NEK10: variants seen among roughly 807,000 people sequenced by gnomAD.
NEK10 encodes the protein serine/threonine-protein kinase Nek10.
NEK10 carries 122 observed loss-of-function variants against 159.8 expected under a neutral mutation model. The ratio of observed to expected loss-of-function variants is 0.76; its 90% CI spans 0.66 to 0.89. The LOEUF is 0.89. Ranked by LOEUF, NEK10 falls within the 40% of genes least tolerant of loss-of-function variation. The pLI is 0.00. For synonymous variants in NEK10, 466 were observed against 457.1 expected, an observed-to-expected ratio of 1.02 and a Z score of -0.25; for missense variants, 1,342 against 1,323.1, an observed-to-expected ratio of 1.01 and a Z score of -0.22.
At chr3:27,242,766 C>T (rs958302608) in intron 23 of NEK10, among the ~76,000 whole-genome samples, 9 of 152,152 alleles carry the variant, frequency 5.9e-5, no homozygotes, top group African/African-American at 2.2e-4. Flanking sequence ...GACTGAGAGG[C>T]AAATGCTTTA....
intron 22 of NEK10, among the ~76,000 whole-genome samples, chr3:27,271,417 C>G (rs899554906): frequency 7.9e-5 from 12 of 151,884 alleles, no homozygotes; most frequent in Non-Finnish European, 1.3e-4. Flanking sequence ...TTTTAGGGAG[C>G]CCACTATAAT....
chr3:27,308,320 T>G (rs1383415766), intron 10 of NEK10, among the ~76,000 whole-genome samples: 12 of 152,146 alleles, frequency 7.9e-5, no homozygotes, highest in Admixed American at 7.9e-4. Flanking sequence ...GAGGGAATTA[T>G]GGGGATTACA....
chr3:27,244,735 G>A (rs1378931335), intron 23 of NEK10, among the ~76,000 whole-genome samples: 2 of 152,232 alleles, frequency 1.3e-5, no homozygotes, highest in East Asian at 3.9e-4. Context: ...TGCTTGTGCA[G>A]TTCCTGGACT....
At chr3:27,193,466 T>G (rs1353828391) in intron 25 of NEK10, among the ~76,000 whole-genome samples, 1 of 151,984 alleles carries the variant, frequency 6.6e-6, no homozygotes, top group African/African-American at 2.4e-5. Flanking sequence ...AGGTCTCTCT[T>G]GAACTGGCCC....
chr3:27,234,392 A>C (rs114043698), intron 23 of NEK10, among the ~76,000 whole-genome samples: 1 of 152,192 alleles, frequency 6.6e-6, no homozygotes, highest in Admixed American at 6.5e-5. Context: ...AAATTTCTTA[A>C]GCTGGTGATC....
intron 23 of NEK10, among the ~76,000 whole-genome samples, chr3:27,247,296 C>T (rs78366953): frequency 0.23 from 35,313 of 151,782 alleles, 4,473 homozygotes; most frequent in Middle Eastern, 0.38. Flanking sequence ...GAGGTATGTT[C>T]TTTTTGTACC....
intron 29 of NEK10, 133 bp from the exon 30 acceptor site, chr3:27,162,871 T>C: frequency 8.5e-7 from 1 of 1,172,794 alleles, no homozygotes; most frequent in South Asian, 1.5e-5. Flanking sequence ...CTCTCAAGAG[T>C]TTAATTAAGA....
intron 23 of NEK10, among the ~76,000 whole-genome samples, chr3:27,215,353 C>G (rs1383951746): frequency 6.6e-6 from 1 of 152,154 alleles, no homozygotes; most frequent in East Asian, 1.9e-4. Flanking sequence ...AGCAATGGAC[C>G]TGGTGTGGCT....
At chr3:27,252,525 C>T (rs1955771673) in intron 23 of NEK10, among the ~76,000 whole-genome samples, 1 of 152,188 alleles carries the variant, frequency 6.6e-6, no homozygotes, top group Admixed American at 6.5e-5. Context: ...ATTCATGTAG[C>T]AAATATTACT....
chr3:27,275,540 A>G (rs2041706691), intron 22 of NEK10, among the ~76,000 whole-genome samples: 1 of 152,220 alleles, frequency 6.6e-6, no homozygotes, highest in Non-Finnish European at 1.5e-5. Flanking sequence ...AAGTCGTGTC[A>G]GCTCAAACTC....
chr3:27,358,136 C>T (rs908031261), intron 1 of NEK10, among the ~76,000 whole-genome samples: 2 of 152,178 alleles, frequency 1.3e-5, no homozygotes, highest in African/African-American at 4.8e-5. Flanking sequence ...TACACAAACA[C>T]TTGTACCTAT....
intron 23 of NEK10, among the ~76,000 whole-genome samples, chr3:27,247,293 G>C (rs1158737568): frequency 4.6e-5 from 7 of 151,932 alleles, no homozygotes; most frequent in Admixed American, 3.9e-4. Flanking sequence ...GTTGAGGTAT[G>C]TTCTTTTTGT....
chr3:27,360,730 T>C (rs928920651), intron 1 of NEK10, among the ~76,000 whole-genome samples: 3 of 152,164 alleles, frequency 2.0e-5, no homozygotes, highest in African/African-American at 7.2e-5. Context: ...GGTTCACTCA[T>C]GTGAAATATG....
At chr3:27,284,503 G>T in intron 22 of NEK10, 99 bp downstream of exon 22, 1 of 706,912 alleles carries the variant, frequency 1.4e-6, no homozygotes, top group South Asian at 1.7e-5. Flanking sequence ...CATAGACAAA[G>T]AACATTCCCA....
At chr3:27,306,571 T>G (rs2044258926) in intron 11 of NEK10, among the ~76,000 whole-genome samples, 1 of 152,206 alleles carries the variant, frequency 6.6e-6, no homozygotes, top group Non-Finnish European at 1.5e-5. Flanking sequence ...AAAAACAAAT[T>G]TGATCATGCT....
chr3:27,112,364 G>T (rs1939696569), intron 35 of NEK10, among the ~76,000 whole-genome samples: 1 of 152,202 alleles, frequency 6.6e-6, no homozygotes. Flanking sequence ...GCTAGATGAT[G>T]TGTGTACTAT....
chr3:27,224,857 T>C (rs1308801300), intron 23 of NEK10, among the ~76,000 whole-genome samples: 1 of 152,162 alleles, frequency 6.6e-6, no homozygotes, highest in Non-Finnish European at 1.5e-5. Context: ...TATTAGACAA[T>C]ATCTGAAAAG....
At chr3:27,351,981 T>C (rs2048001550) in intron 3 of NEK10, among the ~76,000 whole-genome samples, 2 of 151,884 alleles carry the variant, frequency 1.3e-5, no homozygotes, top group African/African-American at 2.4e-5. Context: ...AATGCTACTA[T>C]AAAAATAGCC....
At chr3:27,182,763 T>C (rs1156406719) in intron 26 of NEK10, among the ~76,000 whole-genome samples, 1 of 152,104 alleles carries the variant, frequency 6.6e-6, no homozygotes, top group African/African-American at 2.4e-5. Context: ...GAATGAACTC[T>C]TGTCATTTTC....
Sources: gnomAD v4.1 joint callset for allele counts (sites outside exome capture counted in the v4.1 genomes callset) on GRCh38, gnomAD v4.1.1 for gene constraint, MANE v1.5 for transcripts, NCBI Gene and HGNC (gene_info 2026-07-23, HGNC 2026-07-21) for gene names.